The following RHOG variants were observed in gnomAD, a reference collection of about 807,000 sequenced individuals.
RHOG encodes rho-related GTP-binding protein RhoG.
A neutral mutation model predicts 12.3 loss-of-function variants in RHOG; 1 was observed. The observed-to-expected ratio is 0.08, with a 90% CI of 0.03 to 0.39. The LOEUF is 0.39. RHOG is among the 10% of genes least tolerant of loss of function. The pLI, the probability that RHOG is intolerant of heterozygous loss-of-function variation, is 0.99. For synonymous variants in RHOG, 129 were observed against 116.0 expected (o/e 1.11, Z -0.72); for missense variants, 114 against 266.2 (o/e 0.43, Z 3.98).
intron 1 of RHOG, among the ~76,000 whole-genome samples, chr11:3,828,859 A>T (rs1280358758): frequency 6.6e-6 from 1 of 151,712 alleles, no homozygotes. Flanking sequence ...TGACCTCGTG[A>T]TCCGCCCGCC....
intron 1 of RHOG, among the ~76,000 whole-genome samples, chr11:3,829,249 ATTTTTTTTTTT>A (rs869157708): frequency 1.1e-5 from 1 of 92,724 alleles, no homozygotes; most frequent in African/African-American, 3.7e-5. Context: ...CAATGGGGAA[ATTTTTTTTTTT>A]TTTTTTTTTT....
chr11:3,829,152 C>T (rs1273881542), intron 1 of RHOG, among the ~76,000 whole-genome samples: 5 of 151,890 alleles, frequency 3.3e-5, no homozygotes, highest in East Asian at 3.9e-4. Flanking sequence ...CTACTGAGTA[C>T]AAACCCAAAG....
At chr11:3,829,735 G>A (rs80329686) in intron 1 of RHOG, among the ~76,000 whole-genome samples, 6,260 of 151,794 alleles carry the variant, frequency 0.041, 366 homozygotes, top group African/African-American at 0.13. Context: ...CAAGGCCCTT[G>A]GTGGGGTGGA....
intron 1 of RHOG, among the ~76,000 whole-genome samples, chr11:3,837,116 G>A (rs1037733740): frequency 3.3e-5 from 5 of 152,012 alleles, no homozygotes; most frequent in Non-Finnish European, 7.4e-5. Flanking sequence ...AATTTCACAT[G>A]AGGCTGTACA....
Position 3,827,610 on chromosome 11 carries a change from G to A in RHOG, c.529C>T (p.Leu177Phe). ...EVFAEAVRAVLNPTPIKRGRS... is the reference protein window; with the variant it reads ...EVFAEAVRAVFNPTPIKRGRS... ...CCACGCTTGATCGGCGTGGGGTTGA[G>A]CACAGCCCGGACAGCCTCGGCGAAC... The change falls in exon 2 of 2, where the codon CTC becomes TTC. Residue 177 changes from leucine (L) to phenylalanine (F), a missense_variant. Leu to Phe is a conservative substitution (Grantham distance 22). Coordinates refer to ENST00000351018, the MANE Select transcript of RHOG (RefSeq NM_001665.4). The surrounding 1 kb of genome is among the most constrained non-coding windows in gnomAD (Gnocchi z 7.3). The A allele has an allele frequency of 6.2e-7, 1 of 1,612,024 alleles. No individual in the cohort carries two copies. Among genetic ancestry groups the A allele is most frequent in the Non-Finnish European group, 8.5e-7 (1 of 1,180,008 alleles).
intron 1 of RHOG, among the ~76,000 whole-genome samples, chr11:3,829,862 T>C (rs1590475302): frequency 6.6e-6 from 1 of 152,282 alleles, no homozygotes; most frequent in African/African-American, 2.4e-5. Context: ...TTCTCCTGCC[T>C]CACCCTCCCG....
chr11:3,828,744 T>C lies in RHOG; in HGVS notation c.-68-538A>G, dbSNP rs574287419. 3.2e-3 allele frequency among the ~76,000 whole-genome samples: 483 copies of C among 149,848 alleles called. 3 individuals carry two copies. The highest frequency in any genetic ancestry group is 5.0e-3 in the Non-Finnish European group (340 of 67,594). On this transcript the variant is annotated intron_variant, in intron 1 of 1. Coordinates refer to ENST00000351018, the MANE Select transcript of RHOG (RefSeq NM_001665.4). Reference sequence around the variant, plus strand: ...GTTCACGCCATTCTGCCTCAGCCTCTCGAGTAGCTGGGACTACAGGCACCC... The same window carrying C: ...GTTCACGCCATTCTGCCTCAGCCTCCCGAGTAGCTGGGACTACAGGCACCC...
rs1000052163 is a variant in RHOG, at chr11:3,827,227, A to T, written c.*336T>A. On this transcript the variant is annotated 3_prime_UTR_variant, in exon 2 of 2. Coordinates refer to ENST00000351018, the MANE Select transcript of RHOG (RefSeq NM_001665.4). The surrounding 1 kb of genome is among the most constrained non-coding windows in gnomAD (Gnocchi z 7.3). ...GCCCCTAACCTGAGGCGGCACCACA[A>T]TAGGCAGCAACAACTGTGTGGAAAG... The T allele has an allele frequency of 3.1e-6, 1 of 318,492 alleles. No individual in the cohort carries two copies. Among genetic ancestry groups the T allele is most frequent in the Admixed American group, 4.5e-5 (1 of 21,990 alleles). 19.7% of individuals were successfully genotyped at this position (318,492 alleles called of 1,614,324 possible).
chr11:3,838,989 G>A (rs1368287311), intron 1 of RHOG, among the ~76,000 whole-genome samples: 1 of 152,168 alleles, frequency 6.6e-6, no homozygotes, highest in African/African-American at 2.4e-5. Flanking sequence ...CCCTGATGCA[G>A]ATCAGGGCAT....
intron 1 of RHOG, among the ~76,000 whole-genome samples, chr11:3,828,845 C>A (rs890468912): frequency 2.0e-5 from 3 of 151,878 alleles, no homozygotes; most frequent in Admixed American, 1.3e-4. Flanking sequence ...TGGTCTCGAT[C>A]TCCTGACCTC....
At chr11:3,837,458 A>C (rs1344530986) in intron 1 of RHOG, among the ~76,000 whole-genome samples, 2 of 152,182 alleles carry the variant, frequency 1.3e-5, no homozygotes, top group East Asian at 3.8e-4. Context: ...GGACCTGTCA[A>C]ATTGAGGCTG....
intron 1 of RHOG, among the ~76,000 whole-genome samples, chr11:3,829,046 C>T (rs545244576): frequency 1.2e-4 from 18 of 151,868 alleles, no homozygotes; most frequent in Non-Finnish European, 1.8e-4. Context: ...TGTTTTGGCA[C>T]AGGACAGCTG....
chr11:3,828,181 T>C lies in RHOG; in HGVS notation c.-43A>G, dbSNP rs372321496. ...TAGTGGAGGCAGTGCCTCCTCTCTC[T>C]TCTGGACCCCTCTGGCTGCAGTGAC... On this transcript the variant is annotated 5_prime_UTR_variant, in exon 2 of 2. Transcript: ENST00000351018. The C allele has an allele frequency of 1.7e-5, 27 of 1,549,368 alleles. No homozygotes were observed. The African/African-American group carries it at 3.5e-4, about 20-fold the overall frequency.
chr11:3,836,902 C>CAAAAAAAAAAAAAAAAAAAAAA (rs57344316), intron 1 of RHOG, among the ~76,000 whole-genome samples: 3 of 29,252 alleles, frequency 1.0e-4, no homozygotes, highest in African/African-American at 3.8e-4. Context: ...GACTCCATCT[C>CAAAAAAAAAAAAAAAAAAAAAA]AAAAAAAAAA....
chr11:3,833,027 C>T (rs989935501), intron 1 of RHOG, among the ~76,000 whole-genome samples: 1 of 151,806 alleles, frequency 6.6e-6, no homozygotes, highest in Non-Finnish European at 1.5e-5. Flanking sequence ...GCACTCCAGC[C>T]TGAGCAACAC....
intron 1 of RHOG, among the ~76,000 whole-genome samples, chr11:3,839,345 C>T (rs1430991303): frequency 6.6e-6 from 1 of 152,136 alleles, no homozygotes; most frequent in South Asian, 2.1e-4. Context: ...CAAACGGCTT[C>T]CTCCTGCCTA....
At chr11:3,833,860 C>T (rs1482648465) in intron 1 of RHOG, among the ~76,000 whole-genome samples, 1 of 152,204 alleles carries the variant, frequency 6.6e-6, no homozygotes, top group East Asian at 1.9e-4. Context: ...CATTCCCTCT[C>T]CCTTCTCTAA....
chr11:3,828,769 C>T (rs908627154), intron 1 of RHOG, among the ~76,000 whole-genome samples: 7 of 151,620 alleles, frequency 4.6e-5, no homozygotes, highest in South Asian at 2.1e-4. Context: ...TACAGGCACC[C>T]ACCACCACGC....
Position 3,827,296 on chromosome 11 carries a change from G to T in RHOG, c.*267C>A. On this transcript the variant is annotated 3_prime_UTR_variant, in exon 2 of 2. Coordinates refer to ENST00000351018, the MANE Select transcript of RHOG (RefSeq NM_001665.4). This position sits in a 1 kb window ranked among gnomAD's most constrained non-coding sequence, Gnocchi z 7.3. ...AGCGGAAAATGGGAGGGGGCACTGG[G>T]TTGGCCTCTTGGGGAGGGGTCCAAC... The T allele has an allele frequency of 1.9e-6, 1 of 516,580 alleles. No individual in the cohort carries two copies. The highest frequency in any genetic ancestry group is 3.5e-6 in the Non-Finnish European group (1 of 287,654). 32.0% of individuals were successfully genotyped at this position (516,580 alleles called of 1,614,324 possible). A position where few individuals can be genotyped will look rare whatever the true frequency, so the allele number is the denominator to read the frequency against.
Sources: gnomAD v4.1 joint callset for allele counts (sites outside exome capture counted in the v4.1 genomes callset) on GRCh38, gnomAD v4.1.1 for gene constraint, Gnocchi (gnomAD v3.1) non-coding constraint, MANE v1.5 for transcripts, NCBI Gene and HGNC (gene_info 2026-07-23, HGNC 2026-07-21) for gene names.